Variants in RHOH observed in about 807,000 individuals in gnomAD.
The protein encoded by RHOH is ras homolog family member H.
Under a neutral mutation model 13.8 loss-of-function variants are expected in RHOH, and 6 were observed. The ratio of observed to expected loss-of-function variants is 0.44; its 90% CI spans 0.24 to 0.86. The LOEUF is 0.86. Ranked by LOEUF, RHOH falls within the 40% of genes least tolerant of loss-of-function variation. The probability of loss-of-function intolerance (pLI) is 0.24; values close to 1 mark genes in which losing one functional copy is unlikely to be tolerated. For synonymous variants in RHOH, 117 were observed against 103.0 expected, an observed-to-expected ratio of 1.14 and a Z score of -0.82; for missense variants, 147 against 244.5, an observed-to-expected ratio of 0.60 and a Z score of 2.66.
At chr4:40,209,025 T>C (rs1395286287) in intron 1 of RHOH, among the ~76,000 whole-genome samples, 2 of 152,148 alleles carry the variant, frequency 1.3e-5, no homozygotes, top group African/African-American at 4.8e-5. Flanking sequence ...TTTTTATAAG[T>C]AGCATATATT....
rs1729801433 is a variant in RHOH, at chr4:40,246,949, A to T, written c.*2987A>T. 1 of 152,230 alleles carries T rather than the reference A, an allele frequency of 6.6e-6. No homozygotes were observed. Among genetic ancestry groups the T allele is most frequent in the Non-Finnish European group, 1.5e-5 (1 of 68,044 alleles). The allele number at this position is 152,230 out of a possible 1,614,324, so 9.4% of individuals were successfully genotyped here. On this transcript the variant is annotated 3_prime_UTR_variant, in exon 3 of 3. Coordinates refer to ENST00000381799, the MANE Select transcript of RHOH (RefSeq NM_004310.5). ...CAGCATTAAATATGTTCTTGATGAC[A>T]TTAAAGAGTTAATTTTCATGGTCGG...
upstream of RHOH, among the ~76,000 whole-genome samples, chr4:40,196,589 G>A (rs1294399493): frequency 6.6e-6 from 1 of 152,054 alleles, no homozygotes; most frequent in African/African-American, 2.4e-5. Flanking sequence ...GCAGCAAAGC[G>A]AAGCAGACAA....
At chr4:40,195,015 C>T (rs775220999), upstream of RHOH, among the ~76,000 whole-genome samples, 17 of 152,096 alleles carry the variant, frequency 1.1e-4, no homozygotes, top group Non-Finnish European at 1.9e-4. Context: ...GTTTCTCCCG[C>T]GGGCAATGAG....
At chr4:40,212,630 A>G (rs1380835739) in intron 1 of RHOH, 1 of 152,254 alleles carries the variant, frequency 6.6e-6, no homozygotes, top group Non-Finnish European at 1.5e-5. Flanking sequence ...TTGTGTAAAC[A>G]TGCTAATGGT....
intron 1 of RHOH, among the ~76,000 whole-genome samples, chr4:40,215,877 G>T (rs1015171713): frequency 6.6e-6 from 1 of 152,020 alleles, no homozygotes; most frequent in Admixed American, 6.5e-5. Flanking sequence ...CCAAAATCAC[G>T]CCACTGCAGT....
chr4:40,235,590 CAAAAAA>C (rs34336418), intron 1 of RHOH, among the ~76,000 whole-genome samples: 3 of 74,800 alleles, frequency 4.0e-5, no homozygotes, highest in Admixed American at 1.8e-4. Context: ...AACTTCATCT[CAAAAAA>C]AAAAAAAAAA....
intron 1 of RHOH, among the ~76,000 whole-genome samples, chr4:40,201,945 G>GTTTT (rs1179441198): frequency 3.7e-5 from 4 of 109,048 alleles, no homozygotes; most frequent in Non-Finnish European, 5.6e-5. Context: ...AACTCCATGA[G>GTTTT]TTTTTTTTTT....
intron 1 of RHOH, among the ~76,000 whole-genome samples, chr4:40,231,620 A>G (rs1323280837): frequency 6.6e-6 from 1 of 152,196 alleles, no homozygotes; most frequent in Non-Finnish European, 1.5e-5. Flanking sequence ...CCCCAGGCCT[A>G]CAGCCTCAGA....
chr4:40,227,020 G>T (rs866088251), intron 1 of RHOH, among the ~76,000 whole-genome samples: 1 of 152,074 alleles, frequency 6.6e-6, no homozygotes, highest in Admixed American at 6.6e-5. Context: ...TTATCCGGGT[G>T]TGGTGGTGCA....
chr4:40,218,457 C>T lies in RHOH; in HGVS notation c.-331+21157C>T, dbSNP rs1050818093. Among the ~76,000 whole-genome samples the T allele has an allele frequency of 5.3e-5, 8 of 152,166 alleles. No homozygotes were observed. The highest frequency in any genetic ancestry group is 1.5e-5 in the Non-Finnish European group (1 of 68,030). On this transcript the variant is annotated intron_variant, in intron 1 of 2. Transcript: ENST00000381799. The surrounding 1 kb of genome is among the most constrained non-coding windows in gnomAD (Gnocchi z 4.1). Reference sequence around the variant, plus strand: ...CTTGGAAATCAGACACGTGCTAGGGCCCCCTGTGCTTAGCTCGGCTAATGA... The same window carrying T: ...CTTGGAAATCAGACACGTGCTAGGGTCCCCTGTGCTTAGCTCGGCTAATGA...
intron 1 of RHOH, among the ~76,000 whole-genome samples, chr4:40,206,960 G>T (rs987624544): frequency 6.6e-6 from 1 of 152,132 alleles, no homozygotes; most frequent in African/African-American, 2.4e-5. Flanking sequence ...TGTAATCCCA[G>T]CACTTTGGGA....
chr4:40,236,567 A>G (rs7654728), intron 1 of RHOH, among the ~76,000 whole-genome samples: 43,316 of 151,842 alleles, frequency 0.29, 7,401 homozygotes, highest in African/African-American at 0.49. Flanking sequence ...GAGGCAGGTG[A>G]ATCACGAGGT....
chr4:40,239,814 G>T (rs757516791), intron 1 of RHOH, among the ~76,000 whole-genome samples: 2 of 152,022 alleles, frequency 1.3e-5, no homozygotes, highest in Admixed American at 6.5e-5. Context: ...GGAGTTGGAG[G>T]TTGCAGTGAG....
intron 1 of RHOH, among the ~76,000 whole-genome samples, chr4:40,223,297 T>A (rs1350828330): frequency 6.6e-6 from 1 of 152,104 alleles, no homozygotes. Context: ...TACAGAGAAA[T>A]CTTTCATGAA....
Position 40,208,651 on chromosome 4 carries a change from A to G in RHOH, c.-331+11351A>G, listed in dbSNP as rs577018402. 3.9e-4 allele frequency among the ~76,000 whole-genome samples: 59 copies of G among 152,316 alleles called. 1 individual carries two copies. Among genetic ancestry groups the G allele is most frequent in the African/African-American group, 1.3e-3 (56 of 41,578 alleles). On this transcript the variant is annotated intron_variant, in intron 1 of 2. Transcript: ENST00000381799. ...AAAATTGTGAGTTTTGGGCAGCAACATGAATGATCAGCTTTAAATTGTTCA... is the reference window on the plus strand; with the variant it reads ...AAAATTGTGAGTTTTGGGCAGCAACGTGAATGATCAGCTTTAAATTGTTCA...
intron 1 of RHOH, chr4:40,200,278 A>C (rs1353820091): frequency 6.6e-6 from 1 of 152,334 alleles, no homozygotes; most frequent in East Asian, 1.9e-4. Flanking sequence ...TTGCACAAGA[A>C]GTTGTCATAC....
intron 1 of RHOH, among the ~76,000 whole-genome samples, chr4:40,199,212 T>G (rs1457320173): frequency 1.3e-5 from 2 of 152,004 alleles, no homozygotes; most frequent in Admixed American, 1.3e-4. Context: ...GTAAAGCATG[T>G]AGCCTAGTGC....
intron 1 of RHOH, among the ~76,000 whole-genome samples, chr4:40,238,594 C>G (rs1168227485): frequency 6.6e-6 from 1 of 152,116 alleles, no homozygotes; most frequent in African/African-American, 2.4e-5. Context: ...ACCCTGGAGG[C>G]CTGTTGAGGG....
chr4:40,201,453 T>C (rs927216902), intron 1 of RHOH, among the ~76,000 whole-genome samples: 2 of 152,190 alleles, frequency 1.3e-5, no homozygotes, highest in African/African-American at 4.8e-5. Flanking sequence ...CAAGTGCTGA[T>C]TGTAATATTT....
Sources: allele counts gnomAD v4.1 joint callset (sites outside exome capture counted in the v4.1 genomes callset), GRCh38; gene constraint gnomAD v4.1.1; non-coding constraint Gnocchi (gnomAD v3.1); transcripts MANE v1.5; gene names NCBI Gene and HGNC (gene_info 2026-07-23, HGNC 2026-07-21).